The following DGKB variants were observed in gnomAD, a reference collection of about 807,000 sequenced individuals.
DGKB encodes diacylglycerol kinase beta.
In DGKB, 67 loss-of-function variants were observed where a neutral mutation model predicts 114.3. That is an observed-to-expected ratio of 0.59 (90% CI 0.48 to 0.72). The LOEUF (loss-of-function observed/expected upper bound fraction) is 0.72. DGKB is among the 30% of genes least tolerant of loss of function. DGKB has a pLI of 0.00. For synonymous variants in DGKB, 398 were observed against 323.1 expected (o/e 1.23, Z -2.49); for missense variants, 907 against 975.2 (o/e 0.93, Z 0.93).
chr7:14,466,138 C>A (rs1467664037), intron 21 of DGKB, among the ~76,000 whole-genome samples: 5 of 152,138 alleles, frequency 3.3e-5, no homozygotes, highest in Non-Finnish European at 5.9e-5. Flanking sequence ...GGTTTGGTGA[C>A]TATGAAACAG....
At chr7:14,511,908 G>A (rs1343032180) in intron 20 of DGKB, among the ~76,000 whole-genome samples, 3 of 152,180 alleles carry the variant, frequency 2.0e-5, no homozygotes, top group Non-Finnish European at 4.4e-5. Context: ...GAAGAAGTCA[G>A]AATGCAGAAT....
chr7:14,602,787 C>A lies in DGKB; in HGVS notation c.1433+4647G>T, dbSNP rs989329357. 8.5e-5 allele frequency among the ~76,000 whole-genome samples: 13 copies of A among 152,122 alleles called. No homozygotes were observed. The East Asian group carries it at 9.6e-4, about 11-fold the overall frequency. ...AGGGATTTTGTTATAGCAGCCAGAA[C>A]AGAATAAAACACAAGTTAAAGCACA... On this transcript the variant is annotated intron_variant, in intron 17 of 25. Transcript: ENST00000402815.
At chr7:14,923,040 C>A (rs142446454) in intron 1 of DGKB, among the ~76,000 whole-genome samples, 1 of 152,286 alleles carries the variant, frequency 6.6e-6, no homozygotes, top group Non-Finnish European at 1.5e-5. Flanking sequence ...CTTCTGGTAA[C>A]CATTCTTCTA....
intron 13 of DGKB, among the ~76,000 whole-genome samples, chr7:14,648,038 C>T (rs189120095): frequency 0.013 from 1,986 of 152,334 alleles, 38 homozygotes; most frequent in African/African-American, 0.045. Context: ...AGTCTGAGAT[C>T]AAACTGCAAG....
chr7:14,780,923 C>A (rs2128488241), intron 2 of DGKB, among the ~76,000 whole-genome samples: 1 of 152,276 alleles, frequency 6.6e-6, no homozygotes, highest in African/African-American at 2.4e-5. Context: ...CATAGAAATG[C>A]ATTCTGCTTC....
intron 9 of DGKB, among the ~76,000 whole-genome samples, chr7:14,689,199 ATTTTT>A (rs551618345): frequency 0.012 from 885 of 76,474 alleles, 11 homozygotes; most frequent in African/African-American, 0.035. Context: ...AACTCCTCTT[ATTTTT>A]TTTTTTTTTT....
At position 14,394,478 on chromosome 7, in the gene DGKB, C is replaced by T. The variant is rs771843960; in HGVS notation, c.1836-49087G>A. ...TATTTTTGTTCTTTTGCTCAGAAAC[C>T]ACAGTGGAAAGGAGGCCACTTTGTA... On this transcript the variant is annotated intron_variant, in intron 21 of 25. Coordinates refer to ENST00000402815, the MANE Select transcript of DGKB (RefSeq NM_001350709.2). Among the ~76,000 whole-genome samples, 20 of 152,038 alleles carry T rather than the reference C, an allele frequency of 1.3e-4. 1 individual carries two copies. Among genetic ancestry groups the T allele is most frequent in the Admixed American group, 6.6e-4 (10 of 15,258 alleles).
At chr7:14,174,737 C>A (rs1291479907) in intron 25 of DGKB, among the ~76,000 whole-genome samples, 1 of 152,132 alleles carries the variant, frequency 6.6e-6, no homozygotes. Context: ...ACCATCATAA[C>A]CATCACCACC....
At chr7:14,387,905 A>G (rs1043364434) in intron 21 of DGKB, among the ~76,000 whole-genome samples, 2 of 136,504 alleles carry the variant, frequency 1.5e-5, no homozygotes, top group African/African-American at 5.4e-5. Flanking sequence ...TTTTTGACAC[A>G]GTTTCACTCT....
intron 15 of DGKB, among the ~76,000 whole-genome samples, chr7:14,616,193 A>G (rs1806478005): frequency 6.8e-6 from 1 of 147,892 alleles, no homozygotes; most frequent in Non-Finnish European, 1.5e-5. Flanking sequence ...TCTCGTATAT[A>G]CATATATATA....
intron 21 of DGKB, among the ~76,000 whole-genome samples, chr7:14,436,807 T>G (rs1255405802): frequency 6.6e-6 from 1 of 152,108 alleles, no homozygotes; most frequent in Non-Finnish European, 1.5e-5. Flanking sequence ...TTGTTTTAAT[T>G]AATGAAGTGG....
intron 21 of DGKB, among the ~76,000 whole-genome samples, chr7:14,415,756 C>T (rs377701656): frequency 1.3e-5 from 2 of 152,074 alleles, no homozygotes; most frequent in East Asian, 3.9e-4. Context: ...TTTATAGCAG[C>T]ATGATTTATA....
At chr7:14,921,472 C>T (rs1253230616) in intron 1 of DGKB, among the ~76,000 whole-genome samples, 5 of 151,952 alleles carry the variant, frequency 3.3e-5, no homozygotes, top group Admixed American at 6.6e-5. Context: ...ATAACATAAC[C>T]CATGTGAAAA....
At chr7:14,748,292 G>A (rs186658992) in intron 4 of DGKB, among the ~76,000 whole-genome samples, 2 of 152,042 alleles carry the variant, frequency 1.3e-5, no homozygotes, top group South Asian at 4.1e-4. Flanking sequence ...ATGTCTAATG[G>A]TATTAAATGC....
At chr7:14,917,827 G>A (rs1784314564) in intron 1 of DGKB, among the ~76,000 whole-genome samples, 1 of 151,832 alleles carries the variant, frequency 6.6e-6, no homozygotes, top group South Asian at 2.1e-4. Flanking sequence ...AAAAACTATA[G>A]ACAATTATAT....
intron 21 of DGKB, among the ~76,000 whole-genome samples, chr7:14,445,024 C>T (rs1830547069): frequency 6.6e-6 from 1 of 151,824 alleles, no homozygotes; most frequent in Non-Finnish European, 1.5e-5. Context: ...AGAAATATGG[C>T]ATTAATTCTT....
chr7:14,175,370 C>T (rs1327588271), intron 25 of DGKB, among the ~76,000 whole-genome samples: 1 of 152,196 alleles, frequency 6.6e-6, no homozygotes, highest in Non-Finnish European at 1.5e-5. Context: ...ATTTTAACTA[C>T]TCAGTAAATC....
At chr7:14,255,080 A>C (rs191039737) in intron 23 of DGKB, among the ~76,000 whole-genome samples, 161 of 152,332 alleles carry the variant, frequency 1.1e-3, no homozygotes, top group Non-Finnish European at 1.9e-3. Context: ...TTATGAAAAA[A>C]AGACAAATGG....
At position 14,345,399 on chromosome 7, in the gene DGKB, A is replaced by G; in HGVS notation, c.1836-8T>C. On this transcript the variant is annotated splice_polypyrimidine_tract_variant and splice_region_variant and intron_variant, in intron 21 of 25. Transcript: ENST00000402815. The stretch of plus-strand genomic sequence containing the variant: ...CAAAATTTGTTCTTCATTCTGAAAA[A>G]GAAAAGGAAGAAGCACCTTAGGCAA... The G allele has an allele frequency of 6.9e-7, 1 of 1,450,260 alleles. No individual in the cohort carries two copies. The highest frequency in any genetic ancestry group is 9.4e-7 in the Non-Finnish European group (1 of 1,062,514). The allele number at this position is 1,450,260 out of a possible 1,614,324, so 89.8% of individuals were successfully genotyped here.
Sources: gnomAD v4.1 joint callset for allele counts (sites outside exome capture counted in the v4.1 genomes callset) on GRCh38, gnomAD v4.1.1 for gene constraint, MANE v1.5 for transcripts, NCBI Gene and HGNC (gene_info 2026-07-23, HGNC 2026-07-21) for gene names.